Variants in GUCD1 observed in about 807,000 individuals in gnomAD.
GUCD1 encodes the protein guanylyl cyclase domain containing 1, also known as protein GUCD1.
Under a neutral mutation model 28.3 loss-of-function variants are expected in GUCD1, and 17 were observed. That is an observed-to-expected ratio of 0.60 (90% CI 0.41 to 0.90). The LOEUF is 0.90. Among genes scored for constraint, GUCD1 ranks in the 40% least tolerant of loss-of-function variants. GUCD1 has a pLI of 0.00. For missense variants in GUCD1, 279 were observed against 305.5 expected (o/e 0.91, Z 0.65); for synonymous variants, 129 against 123.3 (o/e 1.05, Z -0.30).
upstream of GUCD1, chr22:24,555,153 G>GCCGCCCCAAGCA: frequency 1.5e-6 from 2 of 1,303,782 alleles, no homozygotes; most frequent in Non-Finnish European, 9.7e-7. Context: ...CGCCCCAAGC[G>GCCGCCCCAAGCA]CCGCCCCAGC....
intron 1 of GUCD1, among the ~76,000 whole-genome samples, chr22:24,550,358 C>T (rs982816660): frequency 6.2e-4 from 95 of 152,224 alleles, no homozygotes; most frequent in African/African-American, 2.2e-3. Context: ...CTGGGGAAAA[C>T]AGTGGGGGTG....
At chr22:24,555,445 C>G (rs1221768823), upstream of GUCD1, 8 of 1,147,712 alleles carry the variant, frequency 7.0e-6, no homozygotes, top group African/African-American at 1.6e-5. Flanking sequence ...CCGGGTCCCG[C>G]TCTTTTGCCA....
At chr22:24,555,618 G>A (rs759712056), upstream of GUCD1, 50 of 1,550,524 alleles carry the variant, frequency 3.2e-5, no homozygotes, top group Non-Finnish European at 4.2e-5. Flanking sequence ...CCCTTACCTG[G>A]CGGTGCCGGG....
At chr22:24,546,817 T>TTTCC in intron 4 of GUCD1, 97 bp downstream of exon 4, 1 of 1,127,604 alleles carries the variant, frequency 8.9e-7, no homozygotes, top group Admixed American at 1.7e-5. Context: ...TCCAGAGTCC[T>TTTCC]AGCCTTTCCT....
In GUCD1 at chr22:24,548,919, C is replaced by G; in HGVS notation, c.126G>C (p.Leu42=). 1 of 1,573,942 alleles carries G rather than the reference C, an allele frequency of 6.4e-7. No individual in the cohort carries two copies. Among genetic ancestry groups the G allele is most frequent in the Admixed American group, 1.9e-5 (1 of 53,402 alleles). The change falls in exon 2 of 6, where the codon CTG becomes CTC. Residue 42 remains leucine, a splice_region_variant and synonymous_variant. Coordinates refer to ENST00000435822, the MANE Select transcript of GUCD1 (RefSeq NM_001284254.2). ...CCCCCAGCCCTGGCCCCACTCACCG[C>G]AGCACCATCCTGGAGCAGGCCAGGC... ...DCGLACSRMV[L]RYLGQLDDSE...
rs1426409838 is a variant in GUCD1, at chr22:24,543,963, G to A, written c.507C>T (p.Phe169=). The change falls in exon 5 of 6, where the codon TTC becomes TTT. Residue 169 remains phenylalanine (F), a synonymous_variant. Transcript: ENST00000435822. ...LCSSPVKYCC[F]TPSGHHCFCR... ...AGAAGCAGTGGTGGCCACTGGGGGT[G>A]AAGCAGCAGTACTTGACAGGGCTGG... 1.2e-6 allele frequency: 2 copies of A among 1,613,954 alleles called. No homozygotes were observed. Among genetic ancestry groups the A allele is most frequent in the East Asian group, 2.2e-5 (1 of 44,886 alleles).
rs5844595 is a variant in GUCD1, at chr22:24,541,628, C to CA, written c.*1377dup. ...TGGGCAACAGAGTGAGTCTCCGTCT[C>CA]AAAAAAAAAAAAAAAAATCCATTTC... On this transcript the variant is annotated 3_prime_UTR_variant, in exon 6 of 6. Transcript: ENST00000435822. 92,112 of 134,066 alleles carry CA rather than the reference C, an allele frequency of 0.69. 31,674 individuals are homozygous for CA. The highest frequency in any genetic ancestry group is 0.83 in the East Asian group (3,760 of 4,552). The allele number at this position is 134,066 out of a possible 1,614,324, so 8.3% of individuals were successfully genotyped here.
intron 1 of GUCD1, among the ~76,000 whole-genome samples, chr22:24,551,696 G>C (rs927799343): frequency 6.6e-6 from 1 of 152,044 alleles, no homozygotes. Context: ...TTTGAGAAAC[G>C]AGGGAACTCT....
At chr22:24,545,001 G>A (rs1336811090) in intron 4 of GUCD1, among the ~76,000 whole-genome samples, 1 of 150,984 alleles carries the variant, frequency 6.6e-6, no homozygotes, top group East Asian at 1.9e-4. Context: ...CAGCCTGTAT[G>A]ACAGATTAAG....
chr22:24,544,210 A>G, intron 4 of GUCD1, 127 bp from the exon 5 acceptor site: 3 of 1,326,626 alleles, frequency 2.3e-6, no homozygotes, highest in Non-Finnish European at 3.1e-6. Flanking sequence ...CTTTGCCCTG[A>G]ACTCCCTGCT....
intron 1 of GUCD1, among the ~76,000 whole-genome samples, chr22:24,554,719 G>A (rs895786857): frequency 6.6e-6 from 1 of 152,232 alleles, no homozygotes; most frequent in Non-Finnish European, 1.5e-5. Flanking sequence ...GGCTCCAGCA[G>A]GACTTTTCGC....
chr22:24,549,127 T>A, intron 1 of GUCD1, 126 bp from the exon 2 acceptor site: 1 of 621,340 alleles, frequency 1.6e-6, no homozygotes, highest in East Asian at 2.8e-5. Flanking sequence ...CTTCCCACAA[T>A]CCTTCAGGAA....
chr22:24,545,470 C>T (rs904751830), intron 4 of GUCD1, among the ~76,000 whole-genome samples: 1 of 152,020 alleles, frequency 6.6e-6, no homozygotes, highest in South Asian at 2.1e-4. Context: ...TTTCCTCCCC[C>T]GAGAAGCAGA....
At chr22:24,548,111 G>C in intron 2 of GUCD1, 38 bp from the exon 3 acceptor site, 1 of 1,587,770 alleles carries the variant, frequency 6.3e-7, no homozygotes, top group Non-Finnish European at 8.6e-7. Context: ...GCTTGGTCTT[G>C]AGGGTCAACT....
At chr22:24,543,165 G>T in intron 5 of GUCD1, 68 bp from the exon 6 acceptor site, 1 of 1,114,012 alleles carries the variant, frequency 9.0e-7, no homozygotes, top group Non-Finnish European at 1.4e-6. Flanking sequence ...CACCGACACA[G>T]TGCCCAGGGG....
At chr22:24,554,832 G>A (rs958188385) in intron 1 of GUCD1, 117 bp downstream of exon 1, 2 of 736,752 alleles carry the variant, frequency 2.7e-6, no homozygotes, top group African/African-American at 1.9e-5. Context: ...GGAACCAGGC[G>A]GGTGTGGGGG....
intron 2 of GUCD1, 35 bp downstream of exon 2, chr22:24,548,882 G>C (rs970405969): frequency 2.7e-6 from 4 of 1,498,086 alleles, no homozygotes; most frequent in Non-Finnish European, 3.6e-6. Context: ...ATGTAGATGG[G>C]AAGCACCTGG....
intron 4 of GUCD1, 135 bp downstream of exon 4, chr22:24,546,779 G>T: frequency 1.3e-6 from 1 of 748,742 alleles, no homozygotes; most frequent in Non-Finnish European, 2.3e-6. Flanking sequence ...AGTGCCCACA[G>T]CCACCCGGGT....
Position 24,540,705 on chromosome 22 carries a change from C to CT in GUCD1, c.*2300dup, listed in dbSNP as rs796394609. The CT allele has an allele frequency of 5.7e-4, 87 of 152,302 alleles. No homozygotes were observed. The highest frequency in any genetic ancestry group is 2.0e-3 in the African/African-American group (82 of 41,488). 9.4% of individuals were successfully genotyped at this position (152,302 alleles called of 1,614,324 possible). A position where few individuals can be genotyped will look rare whatever the true frequency, so the allele number is the denominator to read the frequency against. ...TGTGCAAGAATGCAACACAGTGTGT[C>CT]TTACATCCTGCCTCTGTGACCCTCC... On this transcript the variant is annotated 3_prime_UTR_variant, in exon 6 of 6. Coordinates refer to ENST00000435822, the MANE Select transcript of GUCD1 (RefSeq NM_001284254.2).
Sources: allele counts gnomAD v4.1 joint callset (sites outside exome capture counted in the v4.1 genomes callset), GRCh38; gene constraint gnomAD v4.1.1; transcripts MANE v1.5; gene names NCBI Gene and HGNC (gene_info 2026-07-23, HGNC 2026-07-21).